Variants in AZGP1 observed in about 807,000 individuals in gnomAD.
AZGP1 encodes the protein alpha-2-glycoprotein 1, zinc-binding, also known as zinc-alpha-2-glycoprotein.
In AZGP1, 28 loss-of-function variants were observed where a neutral mutation model predicts 31.5. The observed-to-expected ratio is 0.89, with a 90% CI of 0.66 to 1.22. AZGP1 has a LOEUF of 1.22. Ranked by LOEUF, AZGP1 falls within the 50% of genes most tolerant of loss-of-function variation. The pLI, the probability that AZGP1 is intolerant of heterozygous loss-of-function variation, is 0.00. For missense variants in AZGP1, 361 were observed against 371.8 expected, an observed-to-expected ratio of 0.97 and a Z score of 0.24; for synonymous variants, 135 against 145.4, an observed-to-expected ratio of 0.93 and a Z score of 0.51.
rs200664322 is a variant in AZGP1, at chr7:99,971,948, G to A, written c.135C>T (p.Pro45=). The A allele has an allele frequency of 4.0e-4, 643 of 1,614,118 alleles. 3 individuals carry two copies. The highest frequency in any genetic ancestry group is 2.7e-3 in the South Asian group (243 of 91,086). The part of the protein sequence containing the change: ...TGLSKHVEDV[P]AFQALGSLND... ...TGAGTGAGCCAAGGGCCTGAAACGC[G>A]GGGACGTCTTCAACATGCTTGGACA... Residue 45 remains proline (P), a synonymous_variant, in exon 2 of 4, where the codon CCC becomes CCT. Transcript: ENST00000292401.
intron 1 of AZGP1, among the ~76,000 whole-genome samples, chr7:99,975,322 C>T (rs1434535860): frequency 3.3e-5 from 5 of 152,172 alleles, no homozygotes; most frequent in Non-Finnish European, 7.4e-5. Flanking sequence ...TAAACTCACA[C>T]AACTGAGAAG....
Position 99,971,852 on chromosome 7 carries a change from C to A in AZGP1, c.231G>T (p.Val77=), listed in dbSNP as rs746222114. ...CCTGCTTCCAATCCTCCATTCCTTCCACCTGTCTCCAGAGTCCCATGGGCT... is the reference window on the plus strand; with the variant it reads ...CCTGCTTCCAATCCTCCATTCCTTCAACCTGTCTCCAGAGTCCCATGGGCT... ...KSQPMGLWRQ[V]EGMEDWKQDS... Residue 77 remains valine, a synonymous_variant, in exon 2 of 4, where the codon GTG becomes GTT. Coordinates refer to ENST00000292401, the MANE Select transcript of AZGP1 (RefSeq NM_001185.4). The A allele has an allele frequency of 1.2e-6, 2 of 1,614,150 alleles. No individual in the cohort carries two copies. The highest frequency in any genetic ancestry group is 1.7e-6 in the Non-Finnish European group (2 of 1,180,028).
chr7:99,967,072 G>A lies in AZGP1; in HGVS notation c.828C>T (p.Ala276=). 2 of 1,614,206 alleles carry A rather than the reference G, an allele frequency of 1.2e-6. No homozygotes were observed. The highest frequency in any genetic ancestry group is 1.7e-6 in the Non-Finnish European group (2 of 1,180,044). ...VVVAVPPQDT[A]PYSCHVQHSS... ...TGTGCTGCACGTGGCAGGAGTAGGG[G>A]GCTGTGTCCTGCGGGGGCACTGCCA... The change falls in exon 4 of 4, where the codon GCC becomes GCT. Residue 276 remains alanine (A), a synonymous_variant. Transcript: ENST00000292401.
At position 99,971,830 on chromosome 7, in the gene AZGP1, G is replaced by A. The variant is rs777774968; in HGVS notation, c.253C>T (p.Gln85Ter). Residue 85 changes from glutamine to a stop codon, truncating the protein, a stop_gained, in exon 2 of 4, where the codon CAG (glutamine) becomes TAG (stop). Coordinates refer to ENST00000292401, the MANE Select transcript of AZGP1 (RefSeq NM_001185.4). LOFTEE classifies it high-confidence loss of function. The part of the protein sequence containing the change: ...RQVEGMEDWK[Q>*]DSQLQKARED... ...CTGGCCTTCTGAAGTTGGCTGTCCT[G>A]CTTCCAATCCTCCATTCCTTCCACC... 6.2e-7 allele frequency: 1 copy of A among 1,614,074 alleles called. No individual in the cohort carries two copies. The highest frequency in any genetic ancestry group is 8.5e-7 in the Non-Finnish European group (1 of 1,179,984).
chr7:99,971,809 C>A lies in AZGP1; in HGVS notation c.274G>T (p.Ala92Ser). 6.2e-7 allele frequency: 1 copy of A among 1,614,108 alleles called. No homozygotes were observed. Among genetic ancestry groups the A allele is most frequent in the South Asian group, 1.1e-5 (1 of 91,080 alleles). ...DWKQDSQLQKAREDIFMETLK... is the reference protein window; with the variant it reads ...DWKQDSQLQKSREDIFMETLK... ...GTCTCCATAAAGATGTCCTCCCTGG[C>A]CTTCTGAAGTTGGCTGTCCTGCTTC... is the stretch of plus-strand genomic sequence containing the variant. The change falls in exon 2 of 4, where the codon GCC becomes TCC. Residue 92 changes from alanine (A) to serine (S), a missense_variant. By Grantham distance (99) the Ala-to-Ser change is moderately conservative (BLOSUM62 1). Coordinates refer to ENST00000292401, the MANE Select transcript of AZGP1 (RefSeq NM_001185.4).
chr7:99,968,098 G>GCCTGAGATCGTCTTTT, intron 3 of AZGP1, 57 bp downstream of exon 3: 1 of 1,597,668 alleles, frequency 6.3e-7, no homozygotes, highest in Non-Finnish European at 8.6e-7. Flanking sequence ...TGAGCTCCTA[G>GCCTGAGATCGTCTTTT]CCTGAGATCG....
intron 1 of AZGP1, among the ~76,000 whole-genome samples, chr7:99,975,110 T>G (rs1789639137): frequency 6.6e-6 from 1 of 152,110 alleles, no homozygotes; most frequent in African/African-American, 2.4e-5. Flanking sequence ...TTCCTATGTG[T>G]GTGTGTATCC....
chr7:99,970,931 G>A (rs947530271), intron 2 of AZGP1, among the ~76,000 whole-genome samples: 3 of 152,188 alleles, frequency 2.0e-5, no homozygotes, highest in Non-Finnish European at 2.9e-5. Flanking sequence ...GCACTGGGCC[G>A]GGGGCACAGG....
intron 2 of AZGP1, chr7:99,968,728 T>C: frequency 2.6e-6 from 1 of 386,398 alleles, no homozygotes; most frequent in Non-Finnish European, 4.6e-6. Context: ...TTTGAGAAGC[T>C]GAAGCGAGTG....
chr7:99,975,975 C>T lies in AZGP1; in HGVS notation c.46G>A (p.Gly16Ser). ...PVLLSLLLLLGPAVPQENQDG... is the reference protein window; with the variant it reads ...PVLLSLLLLLSPAVPQENQDG... ...TGGTTCTCCTGGGGGACAGCAGGAC[C>T]CAGAAGCAGCAGCAGAGACAGCAGG... is the stretch of plus-strand genomic sequence containing the variant. The change falls in exon 1 of 4, where the codon GGT (glycine) becomes AGT (serine). Residue 16 changes from glycine to serine, a missense_variant. Gly to Ser is a moderately conservative substitution (Grantham distance 56). Transcript: ENST00000292401. 3 of 1,614,022 alleles carry T rather than the reference C, an allele frequency of 1.9e-6. No homozygotes were observed. Among genetic ancestry groups the T allele is most frequent in the Middle Eastern group, 1.6e-4 (1 of 6,062 alleles).
Position 99,972,007 on chromosome 7 carries a change from C to T in AZGP1, c.77-1G>A. ...TAGATATAGGTCAGAGAGTAACGAC[C>T]TGCAAAAGAAAAGATTCTGATGGTT... On this transcript the variant is annotated splice_acceptor_variant, in intron 1 of 3. Transcript: ENST00000292401. LOFTEE classifies it high-confidence loss of function. The T allele has an allele frequency of 6.2e-7, 1 of 1,600,252 alleles. No individual in the cohort carries two copies. Among genetic ancestry groups the T allele is most frequent in the South Asian group, 1.1e-5 (1 of 89,372 alleles).
intron 2 of AZGP1, 147 bp from the exon 3 acceptor site, chr7:99,968,577 TTATTACTCCAATA>T: frequency 1.0e-6 from 1 of 994,706 alleles, no homozygotes; most frequent in South Asian, 1.5e-5. Flanking sequence ...GACAAATAGG[TTATTACTCCAATA>T]TATACAACAG....
At chr7:99,968,743 G>A (rs918651269) in intron 2 of AZGP1, 19 of 344,436 alleles carry the variant, frequency 5.5e-5, no homozygotes, top group Non-Finnish European at 8.9e-5. Context: ...CGAGTGGATC[G>A]CTTGAGCCCA....
intron 2 of AZGP1, among the ~76,000 whole-genome samples, chr7:99,969,472 C>T (rs915043278): frequency 6.7e-6 from 1 of 149,712 alleles, no homozygotes; most frequent in Admixed American, 6.7e-5. Context: ...TCCCAGTTAT[C>T]GGGAGGCTGA....
Position 99,968,386 on chromosome 7 carries a change from T to G in AZGP1, c.382A>C (p.Asn128His), listed in dbSNP as rs191613328. 2 of 1,613,860 alleles carry G rather than the reference T, an allele frequency of 1.2e-6. No individual in the cohort carries two copies. The highest frequency in any genetic ancestry group is 4.5e-5 in the East Asian group (2 of 44,844). ...QGRFGCEIEN[N>H]RSSGAFWKYY... ...TTCCAGAATGCTCCGCTGCTTCTGT[T>G]ATTCTCGATCTCACAACCAAACCTT... Residue 128 changes from asparagine to histidine, a missense_variant, in exon 3 of 4, where the codon AAC (asparagine) becomes CAC (histidine). Asn to His is a moderately conservative substitution (Grantham distance 68). Coordinates refer to ENST00000292401, the MANE Select transcript of AZGP1 (RefSeq NM_001185.4).
intron 1 of AZGP1, among the ~76,000 whole-genome samples, chr7:99,975,657 T>G (rs539016713): frequency 2.8e-4 from 42 of 152,288 alleles, no homozygotes; most frequent in African/African-American, 7.7e-4. Context: ...TCCTACTCCG[T>G]CCTGACTGTC....
At chr7:99,971,310 G>A (rs750908651) in intron 2 of AZGP1, among the ~76,000 whole-genome samples, 1 of 152,206 alleles carries the variant, frequency 6.6e-6, no homozygotes, top group African/African-American at 2.4e-5. Flanking sequence ...CAGATATTTT[G>A]GGAACGTTTC....
In AZGP1 at chr7:99,971,897, G is replaced by A. The variant is rs1053204323; in HGVS notation, c.186C>T (p.Asn62=). 6.2e-7 allele frequency: 1 copy of A among 1,614,124 alleles called. No individual in the cohort carries two copies. The highest frequency in any genetic ancestry group is 8.5e-7 in the Non-Finnish European group (1 of 1,180,008). The change falls in exon 2 of 4, where the codon AAC becomes AAT. Residue 62 remains asparagine, a synonymous_variant. Coordinates refer to ENST00000292401, the MANE Select transcript of AZGP1 (RefSeq NM_001185.4). ...SLNDLQFFRY[N]SKDRKSQPMG... is the part of the protein sequence containing the mutation. ...TGGGCTGAGACTTCCTGTCTTTACT[G>A]TTGTATCTAAAGAACTGGAGGTCAT...
intron 1 of AZGP1, among the ~76,000 whole-genome samples, chr7:99,972,633 T>C (rs1789596365): frequency 6.6e-6 from 1 of 151,906 alleles, no homozygotes; most frequent in African/African-American, 2.4e-5. Context: ...GCCAACATGG[T>C]GAAACCCCAT....
Sources: allele counts gnomAD v4.1 joint callset (sites outside exome capture counted in the v4.1 genomes callset), GRCh38; gene constraint gnomAD v4.1.1; transcripts MANE v1.5; gene names NCBI Gene and HGNC (gene_info 2026-07-23, HGNC 2026-07-21).